Variants in CNTNAP2 observed in about 807,000 individuals in gnomAD.
CNTNAP2 encodes the protein contactin associated protein 2.
Under a neutral mutation model 155.2 loss-of-function variants are expected in CNTNAP2, and 98 were observed. The observed-to-expected ratio is 0.63, with a 90% CI of 0.54 to 0.75. The LOEUF (loss-of-function observed/expected upper bound fraction) is 0.75, where lower values mean the gene tolerates loss of function less well. Ranked by LOEUF, CNTNAP2 falls within the 30% of genes least tolerant of loss-of-function variation. The pLI, the probability that CNTNAP2 is intolerant of heterozygous loss-of-function variation, is 0.00. For missense variants in CNTNAP2, 1,727 were observed against 1,688.1 expected (o/e 1.02, Z -0.40); for synonymous variants, 651 against 631.2 (o/e 1.03, Z -0.47).
At chr7:147,024,030 T>C (rs1006844124) in intron 3 of CNTNAP2, among the ~76,000 whole-genome samples, 2 of 152,176 alleles carry the variant, frequency 1.3e-5, no homozygotes, top group African/African-American at 4.8e-5. Flanking sequence ...TTAATCACAG[T>C]CTTTAGATAT....
Position 147,131,103 on chromosome 7 carries a change from CACATATATATACCATAT to C in CNTNAP2, c.1084-1117_1084-1101del, listed in dbSNP as rs1454207863. Reference sequence around the variant, plus strand: ...ATGTATATATGTGTATATATACACACACATATATATACCATATACATATATATACCATATACATATAC... The same window carrying C: ...ATGTATATATGTGTATATATACACACACATATATATACCATATACATATAC... On this transcript the variant is annotated intron_variant, in intron 7 of 23. Coordinates refer to ENST00000361727, the MANE Select transcript of CNTNAP2 (RefSeq NM_014141.6). Among the ~76,000 whole-genome samples the C allele has an allele frequency of 2.5e-3, 355 of 139,670 alleles. 4 individuals carry two copies. In the East Asian group the frequency reaches 0.039, roughly 15 times the overall value. The allele number at this position is 139,670 out of a possible 152,430, so 91.6% of individuals were successfully genotyped here. A position where few individuals can be genotyped will look rare whatever the true frequency, so the allele number is the denominator to read the frequency against.
At chr7:147,469,308 T>A (rs527686005) in intron 10 of CNTNAP2, among the ~76,000 whole-genome samples, 1 of 152,144 alleles carries the variant, frequency 6.6e-6, no homozygotes, top group African/African-American at 2.4e-5. Flanking sequence ...GGAAGTATTC[T>A]GCTTTACTAA....
intron 21 of CNTNAP2, among the ~76,000 whole-genome samples, chr7:148,269,982 C>T (rs1440839070): frequency 2.6e-5 from 4 of 152,100 alleles, no homozygotes; most frequent in South Asian, 2.1e-4. Flanking sequence ...TAAACATACC[C>T]GAAAATAATA....
intron 1 of CNTNAP2, among the ~76,000 whole-genome samples, chr7:146,595,368 G>A (rs1006605616): frequency 2.6e-5 from 4 of 151,848 alleles, no homozygotes; most frequent in Non-Finnish European, 4.4e-5. Context: ...GTATAAGGAA[G>A]GTACGTGGGA....
intron 5 of CNTNAP2, among the ~76,000 whole-genome samples, chr7:147,110,785 T>C (rs1323085849): frequency 6.6e-6 from 1 of 152,170 alleles, no homozygotes; most frequent in Non-Finnish European, 1.5e-5. Flanking sequence ...TTGATGGGCA[T>C]TTAGGTTGAT....
At chr7:147,981,204 T>C (rs572944490) in intron 15 of CNTNAP2, among the ~76,000 whole-genome samples, 1 of 152,166 alleles carries the variant, frequency 6.6e-6, no homozygotes, top group African/African-American at 2.4e-5. Flanking sequence ...AGAATAGAAA[T>C]AGCTGTGTCT....
chr7:146,714,020 A>T (rs1284150731), intron 1 of CNTNAP2, among the ~76,000 whole-genome samples: 1 of 152,160 alleles, frequency 6.6e-6, no homozygotes, highest in Non-Finnish European at 1.5e-5. Context: ...CAAATAAAAA[A>T]AAATTGACTC....
At chr7:147,627,441 A>T (rs10235380) in intron 12 of CNTNAP2, among the ~76,000 whole-genome samples, 53,974 of 151,864 alleles carry the variant, frequency 0.36, 10,893 homozygotes, top group African/African-American at 0.53. Context: ...CTCACGCCTG[A>T]AATCCCAGCA....
At chr7:147,851,353 A>G (rs1023732049) in intron 13 of CNTNAP2, among the ~76,000 whole-genome samples, 1 of 152,236 alleles carries the variant, frequency 6.6e-6, no homozygotes, top group African/African-American at 2.4e-5. Flanking sequence ...CCATTGTGGA[A>G]GACAGTGTGG....
chr7:147,291,308 T>G (rs1319301602), intron 8 of CNTNAP2, among the ~76,000 whole-genome samples: 1 of 152,084 alleles, frequency 6.6e-6, no homozygotes, highest in Admixed American at 6.6e-5. Context: ...GTCCTAATGC[T>G]CTCCCTCCCC....
chr7:147,936,081 C>A (rs1460155460), intron 14 of CNTNAP2, among the ~76,000 whole-genome samples: 1 of 152,120 alleles, frequency 6.6e-6, no homozygotes, highest in Admixed American at 6.6e-5. Flanking sequence ...AAAATAACTA[C>A]ACCTATCTTG....
At chr7:147,220,351 A>G (rs1803367172) in intron 8 of CNTNAP2, among the ~76,000 whole-genome samples, 1 of 151,212 alleles carries the variant, frequency 6.6e-6, no homozygotes, top group Admixed American at 6.6e-5. Context: ...GTTTACTTTT[A>G]ATCTACACGT....
At chr7:146,771,822 A>AT (rs1802297720) in intron 1 of CNTNAP2, among the ~76,000 whole-genome samples, 1 of 152,140 alleles carries the variant, frequency 6.6e-6, no homozygotes. Context: ...TTGCTAAAAT[A>AT]TTTTTTGCTT....
chr7:146,343,140 T>C (rs537787531), intron 1 of CNTNAP2, among the ~76,000 whole-genome samples: 1 of 152,220 alleles, frequency 6.6e-6, no homozygotes, highest in African/African-American at 2.4e-5. Flanking sequence ...AATGTTAACT[T>C]TATTCTCTAA....
intron 11 of CNTNAP2, among the ~76,000 whole-genome samples, chr7:147,530,653 G>A (rs996550022): frequency 6.6e-6 from 1 of 152,098 alleles, no homozygotes; most frequent in Non-Finnish European, 1.5e-5. Context: ...CAACACATGG[G>A]AATTCTGGGA....
intron 20 of CNTNAP2, among the ~76,000 whole-genome samples, chr7:148,252,589 G>A (rs191748784): frequency 1.2e-3 from 180 of 152,228 alleles, no homozygotes; most frequent in African/African-American, 3.9e-3. Context: ...TTTCAGGGTC[G>A]GGGAGAGGGG....
chr7:146,462,799 G>A (rs1039395474), intron 1 of CNTNAP2, among the ~76,000 whole-genome samples: 6 of 152,136 alleles, frequency 3.9e-5, no homozygotes, highest in Non-Finnish European at 8.8e-5. Flanking sequence ...TGACTTAGTA[G>A]CATTGTGGAT....
intron 2 of CNTNAP2, among the ~76,000 whole-genome samples, chr7:146,802,863 T>C (rs1802905077): frequency 6.6e-6 from 1 of 152,148 alleles, no homozygotes; most frequent in African/African-American, 2.4e-5. Context: ...AGACAAATAG[T>C]GTGCAGCTGG....
intron 5 of CNTNAP2, among the ~76,000 whole-genome samples, chr7:147,118,536 A>T (rs1265973892): frequency 6.6e-6 from 1 of 151,266 alleles, no homozygotes; most frequent in African/African-American, 2.4e-5. Context: ...GTGTCACTTT[A>T]AAATGGGGAT....
Sources: allele counts gnomAD v4.1 joint callset (sites outside exome capture counted in the v4.1 genomes callset), GRCh38; gene constraint gnomAD v4.1.1; transcripts MANE v1.5; gene names NCBI Gene and HGNC (gene_info 2026-07-23, HGNC 2026-07-21).